TBK1: variants seen among roughly 807,000 people sequenced by gnomAD.
TBK1 encodes the protein TANK binding kinase 1.
Under a neutral mutation model 99.9 loss-of-function variants are expected in TBK1, and 37 were observed. That is an observed-to-expected ratio of 0.37 (90% CI 0.28 to 0.49). The LOEUF (loss-of-function observed/expected upper bound fraction) is 0.49, where lower values mean the gene tolerates loss of function less well. Among genes scored for constraint, TBK1 ranks in the 20% least tolerant of loss-of-function variants. The pLI is 0.98. For synonymous variants in TBK1, 258 were observed against 279.8 expected, an observed-to-expected ratio of 0.92 and a Z score of 0.78; for missense variants, 644 against 872.5, an observed-to-expected ratio of 0.74 and a Z score of 3.30.
chr12:64,481,431 GTAC>G (rs1279246685), intron 7 of TBK1, among the ~76,000 whole-genome samples: 1 of 152,112 alleles, frequency 6.6e-6, no homozygotes, highest in Non-Finnish European at 1.5e-5. Context: ...AGAACTCTAA[GTAC>G]TACAAATCAG....
intron 6 of TBK1, among the ~76,000 whole-genome samples, chr12:64,478,906 G>T (rs935470864): frequency 6.6e-6 from 1 of 152,198 alleles, no homozygotes; most frequent in African/African-American, 2.4e-5. Flanking sequence ...ATAAAAGTGT[G>T]TGCTGCTCAC....
intron 2 of TBK1, among the ~76,000 whole-genome samples, chr12:64,456,188 A>T (rs2040485589): frequency 6.6e-6 from 1 of 152,196 alleles, no homozygotes; most frequent in Non-Finnish European, 1.5e-5. Context: ...ATTGGTTGAA[A>T]ATGGACTGGG....
At chr12:64,462,960 CTGCTACCCATTTATTT>C (rs2040562372) in intron 3 of TBK1, among the ~76,000 whole-genome samples, 1 of 152,190 alleles carries the variant, frequency 6.6e-6, no homozygotes, top group Non-Finnish European at 1.5e-5. Context: ...CTCAGCTGTT[CTGCTACCCATTTATTT>C]TTAAGGATAG....
intron 3 of TBK1, among the ~76,000 whole-genome samples, chr12:64,463,573 G>A (rs2040571373): frequency 6.6e-6 from 1 of 151,410 alleles, no homozygotes; most frequent in Non-Finnish European, 1.5e-5. Context: ...GGTGGAGCAT[G>A]CCCGTAATCC....
chr12:64,471,923 G>T (rs563535712), intron 5 of TBK1, among the ~76,000 whole-genome samples: 1 of 152,152 alleles, frequency 6.6e-6, no homozygotes, highest in African/African-American at 2.4e-5. Context: ...GTCCGTCTTT[G>T]TCTCCTTCTG....
chr12:64,458,086 AACACAC>A (rs71092969), intron 2 of TBK1, among the ~76,000 whole-genome samples: 298 of 143,610 alleles, frequency 2.1e-3, no homozygotes, highest in Admixed American at 3.0e-3. Context: ...GTCTCTACTA[AACACAC>A]ACACACACAC....
chr12:64,465,478 TTAGCAGCATTATTCATAA>T (rs2040594110), intron 4 of TBK1, among the ~76,000 whole-genome samples: 1 of 148,418 alleles, frequency 6.7e-6, no homozygotes, highest in African/African-American at 2.5e-5. Flanking sequence ...TCCAGTGTAC[TTAGCAGCATTATTCATAA>T]TAGCAAAAAA....
intron 13 of TBK1, among the ~76,000 whole-genome samples, chr12:64,494,166 C>G (rs941433845): frequency 6.6e-6 from 1 of 151,884 alleles, no homozygotes; most frequent in Non-Finnish European, 1.5e-5. Flanking sequence ...TATATTTGAT[C>G]ATATAAAAAT....
At chr12:64,497,918 A>G in intron 19 of TBK1, 50 bp from the exon 20 acceptor site, 5 of 1,543,212 alleles carry the variant, frequency 3.2e-6, no homozygotes, top group Non-Finnish European at 4.5e-6. Flanking sequence ...ACATCATTCT[A>G]AAACATTTGC....
intron 5 of TBK1, among the ~76,000 whole-genome samples, chr12:64,468,539 C>G (rs1006457940): frequency 2.6e-5 from 4 of 151,566 alleles, no homozygotes; most frequent in Non-Finnish European, 5.9e-5. Context: ...TCATTCATTG[C>G]ACAAATATTT....
intron 6 of TBK1, among the ~76,000 whole-genome samples, chr12:64,476,696 T>C (rs1455689725): frequency 6.6e-6 from 1 of 152,116 alleles, no homozygotes; most frequent in Non-Finnish European, 1.5e-5. Context: ...TGTCTATTTT[T>C]TATTTTGTTG....
At chr12:64,495,305 C>A in intron 13 of TBK1, 178 bp from the exon 14 acceptor site, 1 of 650,370 alleles carries the variant, frequency 1.5e-6, no homozygotes, top group Non-Finnish European at 2.5e-6. Flanking sequence ...TCATACTGTA[C>A]CCCTGGTGGA....
At chr12:64,455,729 T>A in intron 1 of TBK1, 111 bp from the exon 2 acceptor site, 2 of 622,012 alleles carry the variant, frequency 3.2e-6, no homozygotes, top group Non-Finnish European at 5.7e-6. Context: ...ATACACTTCA[T>A]GTCAGTAACA....
intron 3 of TBK1, among the ~76,000 whole-genome samples, chr12:64,462,352 CCTT>C (rs1357870520): frequency 6.6e-6 from 1 of 152,092 alleles, no homozygotes; most frequent in African/African-American, 2.4e-5. Context: ...TCTTGGAACA[CCTT>C]ATATATGATG....
At chr12:64,484,236 C>G in intron 8 of TBK1, 67 bp from the exon 9 acceptor site, 1 of 1,005,264 alleles carries the variant, frequency 9.9e-7, no homozygotes, top group Non-Finnish European at 1.5e-6. Context: ...TTGTTGCACT[C>G]ATTTAAAATA....
chr12:64,484,547 C>T (rs946140302), intron 9 of TBK1, 48 bp downstream of exon 9: 2 of 1,542,068 alleles, frequency 1.3e-6, no homozygotes, highest in African/African-American at 1.4e-5. Flanking sequence ...TAGAAAAATA[C>T]AGCCAGCCTG....
At chr12:64,484,801 C>G (rs2040802514) in intron 9 of TBK1, among the ~76,000 whole-genome samples, 1 of 152,018 alleles carries the variant, frequency 6.6e-6, no homozygotes, top group Non-Finnish European at 1.5e-5. Flanking sequence ...GATTGTCATC[C>G]TTATAAAGCT....
intron 1 of TBK1, 90 bp from the exon 2 acceptor site, chr12:64,455,750 G>C: frequency 1.5e-6 from 1 of 649,412 alleles, no homozygotes; most frequent in Non-Finnish European, 2.7e-6. Context: ...GATAATGGGT[G>C]ATCTTACTTG....
At chr12:64,474,467 G>A in intron 6 of TBK1, 77 bp downstream of exon 6, 2 of 1,351,186 alleles carry the variant, frequency 1.5e-6, no homozygotes, top group Non-Finnish European at 2.0e-6. Context: ...ATTGTTAGTG[G>A]TTTATGCTAA....
Sources: gnomAD v4.1 joint callset for allele counts (sites outside exome capture counted in the v4.1 genomes callset) on GRCh38, gnomAD v4.1.1 for gene constraint, MANE v1.5 for transcripts, NCBI Gene and HGNC (gene_info 2026-07-23, HGNC 2026-07-21) for gene names.